SUPT3H: variants seen among roughly 807,000 people sequenced by gnomAD.
SUPT3H encodes SPT3 homolog, SAGA and STAGA complex component, also known as transcription initiation protein SPT3 homolog.
In SUPT3H, 44 loss-of-function variants were observed where a neutral mutation model predicts 44.3. The observed-to-expected ratio is 0.99, with a 90% confidence interval of 0.78 to 1.28. The LOEUF (loss-of-function observed/expected upper bound fraction) is 1.28, where lower values mean the gene tolerates loss of function less well. Among genes scored for constraint, SUPT3H ranks in the 50% most tolerant of loss-of-function variants. The pLI is 0.00. For missense variants in SUPT3H, 380 were observed against 387.1 expected, an observed-to-expected ratio of 0.98 and a Z score of 0.15; for synonymous variants, 124 against 125.6, an observed-to-expected ratio of 0.99 and a Z score of 0.09.
chr6:44,916,802 G>A (rs13218569), intron 10 of SUPT3H, among the ~76,000 whole-genome samples: 1,647 of 152,220 alleles, frequency 0.011, 26 homozygotes, highest in Middle Eastern at 0.02. Context: ...CACAGTGCTG[G>A]AAGCTTTGAA....
At chr6:45,272,484 C>T (rs1054541705) in intron 2 of SUPT3H, among the ~76,000 whole-genome samples, 14 of 152,314 alleles carry the variant, frequency 9.2e-5, no homozygotes, top group African/African-American at 3.4e-4. Context: ...CCATGTGGAA[C>T]TGTTAGTCCA....
chr6:45,042,356 G>C (rs1788671354), intron 3 of SUPT3H, among the ~76,000 whole-genome samples: 1 of 152,194 alleles, frequency 6.6e-6, no homozygotes, highest in African/African-American at 2.4e-5. Context: ...CTGAGAGGCA[G>C]AGGTCGCAGT....
chr6:45,169,654 T>G (rs1179647504), intron 2 of SUPT3H, among the ~76,000 whole-genome samples: 2 of 152,202 alleles, frequency 1.3e-5, no homozygotes, highest in African/African-American at 4.8e-5. Flanking sequence ...TCAAATTATC[T>G]GGAGAAATTT....
At chr6:44,916,053 T>A (rs1241909050) in intron 10 of SUPT3H, among the ~76,000 whole-genome samples, 1 of 152,244 alleles carries the variant, frequency 6.6e-6, no homozygotes, top group Non-Finnish European at 1.5e-5. Flanking sequence ...TTTTGTTGAA[T>A]TATAGATTTT....
intron 2 of SUPT3H, among the ~76,000 whole-genome samples, chr6:45,197,485 A>G (rs1038701161): frequency 3.3e-5 from 5 of 151,390 alleles, no homozygotes; most frequent in African/African-American, 1.2e-4. Context: ...GATCAGTTAA[A>G]TTATGCTATT....
intron 2 of SUPT3H, among the ~76,000 whole-genome samples, chr6:45,347,818 G>A (rs1162589629): frequency 1.3e-5 from 2 of 151,070 alleles, no homozygotes. Flanking sequence ...ATTTATCAGA[G>A]AATAATTCTG....
chr6:44,815,864 C>T lies in SUPT3H; in HGVS notation c.*53-6363G>A, dbSNP rs755698013. ...GTTTTTCCCATTACTATTTCAAAGGCAAAAACCGTGATTACTTTTGCACCA... is the reference window on the plus strand; with the variant it reads ...GTTTTTCCCATTACTATTTCAAAGGTAAAAACCGTGATTACTTTTGCACCA... On this transcript the variant is annotated intron_variant and NMD_transcript_variant, in intron 11 of 11. Transcript: ENST00000475057. Among the ~76,000 whole-genome samples the T allele has an allele frequency of 7.9e-5, 12 of 151,284 alleles. 1 individual carries two copies. Among genetic ancestry groups the T allele is most frequent in the Non-Finnish European group, 1.5e-5 (1 of 67,756 alleles).
chr6:45,029,293 A>C (rs759403221), intron 3 of SUPT3H, among the ~76,000 whole-genome samples: 1 of 151,386 alleles, frequency 6.6e-6, no homozygotes, highest in Non-Finnish European at 1.5e-5. Flanking sequence ...TCATGGCTCA[A>C]AAAATTCATT....
intron 10 of SUPT3H, among the ~76,000 whole-genome samples, chr6:44,863,021 G>C (rs1236891969): frequency 6.6e-6 from 1 of 152,096 alleles, no homozygotes; most frequent in African/African-American, 2.4e-5. Context: ...TAGGAAGCAA[G>C]AGAGCAACAC....
chr6:45,371,930 G>GGACA, intron 1 of SUPT3H: 1 of 802,416 alleles, frequency 1.2e-6, no homozygotes. Context: ...AACTGCCCAA[G>GGACA]GACACACTAC....
At chr6:45,195,536 C>T (rs1442011872) in intron 2 of SUPT3H, among the ~76,000 whole-genome samples, 1 of 152,032 alleles carries the variant, frequency 6.6e-6, no homozygotes. Context: ...TTTTAGAACA[C>T]AGTAGTCATA....
At chr6:44,955,869 C>A (rs1405057835) in intron 7 of SUPT3H, among the ~76,000 whole-genome samples, 1 of 151,964 alleles carries the variant, frequency 6.6e-6, no homozygotes, top group East Asian at 1.9e-4. Flanking sequence ...GCCTGTAATC[C>A]CAGCACTTTG....
intron 2 of SUPT3H, among the ~76,000 whole-genome samples, chr6:45,308,599 G>A (rs989388541): frequency 2.6e-5 from 4 of 152,078 alleles, no homozygotes; most frequent in African/African-American, 7.2e-5. Context: ...TCCTGGGATC[G>A]GGGGAGGGAG....
At chr6:45,138,155 A>C (rs1385322250) in intron 2 of SUPT3H, among the ~76,000 whole-genome samples, 2 of 152,172 alleles carry the variant, frequency 1.3e-5, no homozygotes, top group Non-Finnish European at 2.9e-5. Context: ...ACACAATGAG[A>C]TATATTTCAT....
chr6:45,235,286 A>T (rs1768881446), intron 2 of SUPT3H, among the ~76,000 whole-genome samples: 1 of 152,186 alleles, frequency 6.6e-6, no homozygotes, highest in South Asian at 2.1e-4. Flanking sequence ...TAATAACTGA[A>T]AAGTTTAAAT....
chr6:44,874,584 A>C (rs376556132), intron 10 of SUPT3H, among the ~76,000 whole-genome samples: 5 of 88,324 alleles, frequency 5.7e-5, no homozygotes, highest in African/African-American at 9.4e-5. Context: ...CCTTTGAAAA[A>C]TGGCACAAGA....
chr6:45,282,713 C>T (rs1333632792), intron 2 of SUPT3H, among the ~76,000 whole-genome samples: 1 of 152,088 alleles, frequency 6.6e-6, no homozygotes, highest in African/African-American at 2.4e-5. Context: ...GGCCAACATG[C>T]AAAGTCAGGA....
At chr6:45,331,968 G>A (rs1787607076) in intron 2 of SUPT3H, among the ~76,000 whole-genome samples, 1 of 151,942 alleles carries the variant, frequency 6.6e-6, no homozygotes, top group Non-Finnish European at 1.5e-5. Context: ...TAAACTGCAG[G>A]GGCGGGGGGA....
intron 2 of SUPT3H, among the ~76,000 whole-genome samples, chr6:45,341,471 G>GCTTT (rs1789759724): frequency 6.6e-6 from 1 of 152,024 alleles, no homozygotes; most frequent in Admixed American, 6.6e-5. Flanking sequence ...ACATGAGGTA[G>GCTTT]GATCACACTA....
Sources: gnomAD v4.1 joint callset for allele counts (sites outside exome capture counted in the v4.1 genomes callset) on GRCh38, gnomAD v4.1.1 for gene constraint, MANE v1.5 for transcripts, NCBI Gene and HGNC (gene_info 2026-07-23, HGNC 2026-07-21) for gene names.